The following AGBL1 variants were observed in gnomAD, a reference collection of about 807,000 sequenced individuals.
AGBL1 encodes the protein cytosolic carboxypeptidase 4.
AGBL1 carries 130 observed loss-of-function variants against 118.9 expected under a neutral mutation model. The observed-to-expected ratio is 1.09, with a 90% CI of 0.95 to 1.26. The LOEUF (loss-of-function observed/expected upper bound fraction) is 1.26. AGBL1 is among the 50% of genes most tolerant of loss of function. AGBL1 has a pLI of 0.00. For missense variants in AGBL1, 1,584 were observed against 1,298.1 expected (o/e 1.22, Z -3.38); for synonymous variants, 555 against 478.9 (o/e 1.16, Z -2.08).
chr15:86,939,832 G>A (rs2080724827), intron 23 of AGBL1: 1 of 152,020 alleles, frequency 6.6e-6, no homozygotes, highest in Non-Finnish European at 1.5e-5. Context: ...CAGTAATTTT[G>A]GCAGAATCTT....
chr15:86,686,545 C>G (rs2086061136), intron 22 of AGBL1, among the ~76,000 whole-genome samples: 1 of 144,972 alleles, frequency 6.9e-6, no homozygotes, highest in South Asian at 2.2e-4. Flanking sequence ...TCAAGTGATT[C>G]TCCTGCCTCA....
intron 24 of AGBL1, among the ~76,000 whole-genome samples, chr15:86,989,492 G>A (rs968564529): frequency 6.6e-6 from 1 of 151,940 alleles, no homozygotes; most frequent in Non-Finnish European, 1.5e-5. Context: ...GAGATTATAA[G>A]GGTTTCCCCC....
chr15:86,301,381 C>A (rs1396658339), intron 17 of AGBL1, among the ~76,000 whole-genome samples: 2 of 150,572 alleles, frequency 1.3e-5, no homozygotes, highest in African/African-American at 4.9e-5. Flanking sequence ...AGACCTCAGC[C>A]TCTTGTCTCT....
At chr15:86,357,933 A>G (rs2060059) in intron 17 of AGBL1, among the ~76,000 whole-genome samples, 77,267 of 151,974 alleles carry the variant, frequency 0.51, 20,499 homozygotes, top group Middle Eastern at 0.61. Context: ...AGAGGTATGC[A>G]ACATGATGTT....
At chr15:86,459,018 T>A (rs2082297005) in intron 18 of AGBL1, among the ~76,000 whole-genome samples, 1 of 152,154 alleles carries the variant, frequency 6.6e-6, no homozygotes, top group South Asian at 2.1e-4. Flanking sequence ...CTCATACATA[T>A]CCTCGAATGA....
At chr15:86,794,212 T>C (rs111771792) in intron 22 of AGBL1, among the ~76,000 whole-genome samples, 91 of 152,300 alleles carry the variant, frequency 6.0e-4, no homozygotes, top group African/African-American at 2.1e-3. Flanking sequence ...GTCTATCAAC[T>C]GATGAATGGA....
intron 18 of AGBL1, among the ~76,000 whole-genome samples, chr15:86,448,835 A>G (rs558813791): frequency 1.4e-3 from 208 of 152,342 alleles, no homozygotes; most frequent in African/African-American, 4.9e-3. Context: ...GTGTGCCATT[A>G]AAATTTAACT....
chr15:86,852,932 G>T (rs1348677528), intron 22 of AGBL1, among the ~76,000 whole-genome samples: 3 of 152,170 alleles, frequency 2.0e-5, no homozygotes. Context: ...TGGGCACGAG[G>T]CTCAGGCTTC....
chr15:86,608,073 A>C (rs1476520622), intron 21 of AGBL1, among the ~76,000 whole-genome samples: 1 of 152,210 alleles, frequency 6.6e-6, no homozygotes, highest in Non-Finnish European at 1.5e-5. Flanking sequence ...CCAAGTAATG[A>C]CACAACAGTG....
downstream of AGBL1, among the ~76,000 whole-genome samples, chr15:86,920,144 T>G (rs1033665154): frequency 2.0e-5 from 3 of 152,344 alleles, no homozygotes; most frequent in African/African-American, 7.2e-5. Flanking sequence ...CCTGGACTCC[T>G]ATCTGGAAGC....
chr15:86,750,883 A>G (rs1039566943), intron 22 of AGBL1, among the ~76,000 whole-genome samples: 2 of 152,084 alleles, frequency 1.3e-5, no homozygotes, highest in Non-Finnish European at 2.9e-5. Flanking sequence ...AAGCAAGGAC[A>G]TGTGATATTT....
At chr15:86,749,576 C>A (rs1260198313) in intron 22 of AGBL1, among the ~76,000 whole-genome samples, 1 of 152,122 alleles carries the variant, frequency 6.6e-6, no homozygotes, top group Non-Finnish European at 1.5e-5. Context: ...AGAGGGCATC[C>A]CTGTCTTGTG....
intron 21 of AGBL1, among the ~76,000 whole-genome samples, chr15:86,665,371 G>A (rs2085626472): frequency 1.6e-5 from 1 of 62,186 alleles, no homozygotes; most frequent in Non-Finnish European, 3.6e-5. Flanking sequence ...CTATCATTTT[G>A]CCAATGATAG....
Position 86,820,081 on chromosome 15 carries a change from C to T in AGBL1, c.3159-87006C>T, listed in dbSNP as rs1596515050. Among the ~76,000 whole-genome samples the T allele has an allele frequency of 1.3e-5, 2 of 152,142 alleles. 1 individual carries two copies. Among genetic ancestry groups the T allele is most frequent in the South Asian group, 4.1e-4 (2 of 4,820 alleles). On this transcript the variant is annotated intron_variant, in intron 22 of 22. Coordinates refer to ENST00000614907, the MANE Select transcript of AGBL1 (RefSeq NM_001386094.1). ...TAATAAATGGTGTTGGGAAAACTGG[C>T]TAGCCATATGCAGAAAACTGAAACT...
intron 1 of AGBL1, among the ~76,000 whole-genome samples, chr15:86,094,800 C>T (rs1896250226): frequency 2.0e-5 from 3 of 152,158 alleles, no homozygotes; most frequent in South Asian, 4.1e-4. Flanking sequence ...GTTCCCACAC[C>T]AACAACCAAC....
intron 21 of AGBL1, among the ~76,000 whole-genome samples, chr15:86,575,016 C>G (rs1441852529): frequency 6.6e-6 from 1 of 151,512 alleles, no homozygotes. Context: ...TGGTGAAACC[C>G]CATCTCTACT....
At chr15:86,629,061 C>A (rs1412639826) in intron 21 of AGBL1, among the ~76,000 whole-genome samples, 1 of 152,016 alleles carries the variant, frequency 6.6e-6, no homozygotes, top group Non-Finnish European at 1.5e-5. Flanking sequence ...GCTATGGTCA[C>A]CATGCTGTAC....
chr15:86,084,234 T>C (rs1895484445), intron 1 of AGBL1, among the ~76,000 whole-genome samples: 1 of 152,222 alleles, frequency 6.6e-6, no homozygotes, highest in South Asian at 2.1e-4. Flanking sequence ...TGTAGGCGTA[T>C]GCTGAGCTTT....
chr15:86,952,391 A>T (rs534046005), intron 23 of AGBL1, among the ~76,000 whole-genome samples: 29 of 152,292 alleles, frequency 1.9e-4, no homozygotes, highest in African/African-American at 7.0e-4. Flanking sequence ...ATGATATCTT[A>T]TCCAATCTAA....
Sources: allele counts gnomAD v4.1 joint callset (sites outside exome capture counted in the v4.1 genomes callset), GRCh38; gene constraint gnomAD v4.1.1; transcripts MANE v1.5; gene names NCBI Gene and HGNC (gene_info 2026-07-23, HGNC 2026-07-21).